The following AMPH variants were observed in gnomAD, a reference collection of about 807,000 sequenced individuals.
The protein encoded by AMPH is amphiphysin.
Under a neutral mutation model 99.1 loss-of-function variants are expected in AMPH, and 49 were observed. The observed-to-expected ratio is 0.49, with a 90% confidence interval of 0.39 to 0.63. The LOEUF is 0.63. AMPH is among the 20% of genes least tolerant of loss of function. The probability of loss-of-function intolerance (pLI) is 0.00; values close to 1 mark genes in which losing one functional copy is unlikely to be tolerated. For synonymous variants in AMPH, 314 were observed against 317.3 expected (o/e 0.99, Z 0.11); for missense variants, 759 against 863.4 (o/e 0.88, Z 1.52).
intron 6 of AMPH, among the ~76,000 whole-genome samples, chr7:38,476,261 G>T (rs1356199000): frequency 6.6e-6 from 1 of 152,076 alleles, no homozygotes; most frequent in East Asian, 1.9e-4. Context: ...TTTTGTAGAG[G>T]CAATAGAAAC....
chr7:38,439,608 T>C (rs1786424815), intron 11 of AMPH, among the ~76,000 whole-genome samples: 1 of 152,172 alleles, frequency 6.6e-6, no homozygotes, highest in African/African-American at 2.4e-5. Flanking sequence ...ACAATTAGAG[T>C]ACACATGGTA....
intron 11 of AMPH, among the ~76,000 whole-genome samples, chr7:38,437,625 C>A (rs60467411): frequency 6.8e-3 from 641 of 94,698 alleles, no homozygotes; most frequent in African/African-American, 9.0e-3. Context: ...ACTAAAAATA[C>A]AAAAAAAAAA....
At chr7:38,607,548 A>C (rs1793476634) in intron 1 of AMPH, among the ~76,000 whole-genome samples, 1 of 152,244 alleles carries the variant, frequency 6.6e-6, no homozygotes, top group African/African-American at 2.4e-5. Context: ...CAGGGACCTC[A>C]GGACCCCCGG....
At chr7:38,431,611 G>T (rs1359466933) in intron 13 of AMPH, among the ~76,000 whole-genome samples, 1 of 149,654 alleles carries the variant, frequency 6.7e-6, no homozygotes, top group African/African-American at 2.5e-5. Context: ...AGCCGAGACA[G>T]TGCCATTGCA....
intron 11 of AMPH, among the ~76,000 whole-genome samples, chr7:38,457,472 G>A (rs1359592474): frequency 6.6e-6 from 1 of 152,174 alleles, no homozygotes; most frequent in African/African-American, 2.4e-5. Flanking sequence ...AAGCATCTCA[G>A]AACTTTAAGA....
intron 5 of AMPH, among the ~76,000 whole-genome samples, chr7:38,488,827 T>G (rs962214678): frequency 6.6e-6 from 1 of 152,020 alleles, no homozygotes; most frequent in African/African-American, 2.4e-5. Flanking sequence ...CTATACAATA[T>G]TCAAAAATAA....
At chr7:38,483,986 G>T (rs1055259042) in intron 5 of AMPH, among the ~76,000 whole-genome samples, 1 of 151,826 alleles carries the variant, frequency 6.6e-6, no homozygotes, top group East Asian at 1.9e-4. Flanking sequence ...AAATTCACTG[G>T]GGGGGCGTTC....
At chr7:38,504,270 C>G (rs1789249054) in intron 2 of AMPH, among the ~76,000 whole-genome samples, 1 of 152,128 alleles carries the variant, frequency 6.6e-6, no homozygotes, top group Non-Finnish European at 1.5e-5. Flanking sequence ...GATGTAGCCA[C>G]TAGAAAATTC....
chr7:38,629,793 T>C (rs1387386872), intron 1 of AMPH, among the ~76,000 whole-genome samples: 3 of 152,156 alleles, frequency 2.0e-5, no homozygotes, highest in Admixed American at 6.5e-5. Flanking sequence ...AGCAGATCCC[T>C]GGCTACTTTC....
intron 1 of AMPH, among the ~76,000 whole-genome samples, chr7:38,620,126 T>C (rs1794000703): frequency 6.6e-6 from 1 of 152,070 alleles, no homozygotes. Context: ...TAATTTAGGA[T>C]TCCTTCCAAG....
At chr7:38,473,781 A>G (rs1177870274) in intron 7 of AMPH, among the ~76,000 whole-genome samples, 1 of 149,692 alleles carries the variant, frequency 6.7e-6, no homozygotes, top group Non-Finnish European at 1.5e-5. Context: ...AAAAAGTAAT[A>G]TCTGTATTTT....
At chr7:38,463,285 C>T in intron 9 of AMPH, 172 bp from the exon 10 acceptor site, 1 of 848,692 alleles carries the variant, frequency 1.2e-6, no homozygotes, top group East Asian at 2.7e-5. Flanking sequence ...ATAACTGGTA[C>T]CATTTATTTG....
At chr7:38,488,070 T>C (rs1034574760) in intron 5 of AMPH, among the ~76,000 whole-genome samples, 5 of 152,158 alleles carry the variant, frequency 3.3e-5, no homozygotes, top group Non-Finnish European at 5.9e-5. Flanking sequence ...TTTTACACTG[T>C]TGGTGGGAGT....
intron 1 of AMPH, among the ~76,000 whole-genome samples, chr7:38,603,417 A>C (rs947800950): frequency 2.0e-5 from 3 of 152,176 alleles, no homozygotes; most frequent in Non-Finnish European, 4.4e-5. Flanking sequence ...CATTTCTCAG[A>C]ATTTCAAAGC....
Position 38,432,303 on chromosome 7 carries a change from A to AT in AMPH, c.1135-92dup, listed in dbSNP as rs1457362140. ...GACAAAAGTTCTTGAAATCATAAGC[A>AT]TTTTTTAAGCATTTTGTACAGTACT... is the stretch of plus-strand genomic sequence containing the variant. On this transcript the variant is annotated intron_variant, in intron 12 of 20. Transcript: ENST00000356264. 1.7e-5 allele frequency: 21 copies of AT among 1,214,126 alleles called. No homozygotes were observed. The African/African-American group carries it at 2.0e-4, about 11-fold the overall frequency. The allele number at this position is 1,214,126 out of a possible 1,614,324, so 75.2% of individuals were successfully genotyped here.
chr7:38,476,984 T>C lies in AMPH; in HGVS notation c.397-15A>G, dbSNP rs1342397550. ...GCGATGCGATTCTGTCAACAGGAAA[T>C]GCACTCACTAAGAAAGAAGCATGGA... On this transcript the variant is annotated splice_polypyrimidine_tract_variant and intron_variant, in intron 5 of 20. Transcript: ENST00000356264. 1 of 1,609,770 alleles carries C rather than the reference T, an allele frequency of 6.2e-7. No individual in the cohort carries two copies. The highest frequency in any genetic ancestry group is 2.2e-5 in the East Asian group (1 of 44,790).
intron 1 of AMPH, among the ~76,000 whole-genome samples, chr7:38,571,279 T>TTATATATATTTATATATAGAATATATATA (rs1562835234): frequency 5.9e-5 from 2 of 33,808 alleles, no homozygotes; most frequent in Non-Finnish European, 9.0e-5. Context: ...ATATATATAT[T>TTATATATATTTATATATAGAATATATATA]TTTATATATA....
intron 11 of AMPH, among the ~76,000 whole-genome samples, chr7:38,445,868 C>T (rs755646580): frequency 1.1e-4 from 17 of 152,110 alleles, no homozygotes; most frequent in Non-Finnish European, 2.2e-4. Context: ...TGGTTTAGCA[C>T]CATCCTCCCT....
At chr7:38,418,701 A>G (rs1484627757) in intron 16 of AMPH, among the ~76,000 whole-genome samples, 2 of 152,138 alleles carry the variant, frequency 1.3e-5, no homozygotes, top group Admixed American at 6.5e-5. Flanking sequence ...TTTATTTCAT[A>G]TAATAGTTGT....
Sources: gnomAD v4.1 joint callset for allele counts (sites outside exome capture counted in the v4.1 genomes callset) on GRCh38, gnomAD v4.1.1 for gene constraint, MANE v1.5 for transcripts, NCBI Gene and HGNC (gene_info 2026-07-23, HGNC 2026-07-21) for gene names.